The following SPAG9 variants were observed in gnomAD, a reference collection of about 807,000 sequenced individuals.
SPAG9 encodes sperm associated antigen 9, also known as C-Jun-amino-terminal kinase-interacting protein 4.
Under a neutral mutation model 166.5 loss-of-function variants are expected in SPAG9, and 35 were observed. The ratio of observed to expected loss-of-function variants is 0.21; its 90% CI spans 0.16 to 0.28. SPAG9 has a LOEUF of 0.28. Ranked by LOEUF, SPAG9 falls within the 10% of genes least tolerant of loss-of-function variation. The pLI, the probability that SPAG9 is intolerant of heterozygous loss-of-function variation, is 1.00. For synonymous variants in SPAG9, 534 were observed against 565.5 expected (o/e 0.94, Z 0.79); for missense variants, 1,235 against 1,603.3 (o/e 0.77, Z 3.92).
chr17:51,063,142 C>T (rs2047563715), intron 2 of SPAG9, among the ~76,000 whole-genome samples: 1 of 152,214 alleles, frequency 6.6e-6, no homozygotes. Context: ...GGCACAGTGG[C>T]TCACGCCTGT....
intron 9 of SPAG9, among the ~76,000 whole-genome samples, chr17:51,012,715 CTAGA>C (rs1212819444): frequency 2.7e-5 from 4 of 148,768 alleles, no homozygotes; most frequent in Admixed American, 6.7e-5. Context: ...ATCTCTCTTA[CTAGA>C]TACTTTATTT....
chr17:51,113,770 G>A (rs997184631), intron 1 of SPAG9, among the ~76,000 whole-genome samples: 4 of 151,926 alleles, frequency 2.6e-5, no homozygotes, highest in African/African-American at 4.8e-5. Flanking sequence ...GCTGAGGTGC[G>A]AGGAATGTCT....
chr17:51,073,430 G>A (rs2047880834), intron 2 of SPAG9, among the ~76,000 whole-genome samples: 1 of 152,106 alleles, frequency 6.6e-6, no homozygotes, highest in South Asian at 2.1e-4. Flanking sequence ...TGAGGCTACA[G>A]TGAGCCATGA....
At chr17:51,118,024 G>C (rs1340256454) in intron 1 of SPAG9, among the ~76,000 whole-genome samples, 2 of 151,244 alleles carry the variant, frequency 1.3e-5, no homozygotes, top group Admixed American at 1.3e-4. Flanking sequence ...CGTGCCTATA[G>C]TCCCAGCTAC....
chr17:50,992,820 G>A (rs969830173), intron 19 of SPAG9, among the ~76,000 whole-genome samples: 1 of 152,118 alleles, frequency 6.6e-6, no homozygotes, highest in African/African-American at 2.4e-5. Context: ...CTGACTGCCC[G>A]GGGTGGTGGG....
chr17:50,992,652 C>A (rs528181920), intron 19 of SPAG9, among the ~76,000 whole-genome samples: 83 of 152,128 alleles, frequency 5.5e-4, no homozygotes, highest in South Asian at 1.5e-3. Flanking sequence ...TGCAATCCAG[C>A]CTGGGCAACA....
rs556544394 is a variant in SPAG9, at chr17:51,057,963, T to C, written c.425-1481A>G. Among the ~76,000 whole-genome samples, 8 of 152,366 alleles carry C rather than the reference T, an allele frequency of 5.3e-5. No homozygotes were observed. The South Asian group carries it at 1.7e-3, about 32-fold the overall frequency. On this transcript the variant is annotated intron_variant, in intron 2 of 29. Transcript: ENST00000262013. Reference sequence around the variant, plus strand: ...ACAGGAAATCCAAGCAAATTATGGATATTTAATAATTTCAAAATAAACATT... The same window carrying C: ...ACAGGAAATCCAAGCAAATTATGGACATTTAATAATTTCAAAATAAACATT...
intron 24 of SPAG9, 24 bp from the exon 25 acceptor site, chr17:50,982,696 A>C: frequency 6.3e-7 from 1 of 1,580,074 alleles, no homozygotes; most frequent in Non-Finnish European, 8.6e-7. Context: ...AAAAGGTTAT[A>C]GTAAATACAT....
rs1197969448 is a variant in SPAG9 at position 51,035,838 on chromosome 17, T to C, written c.742-4116A>G. Among the ~76,000 whole-genome samples, 7 of 152,248 alleles carry C rather than the reference T, an allele frequency of 4.6e-5. No homozygotes were observed. In the South Asian group the frequency reaches 6.2e-4, roughly 13 times the overall value. On this transcript the variant is annotated intron_variant, in intron 5 of 29. Coordinates refer to ENST00000262013, the MANE Select transcript of SPAG9 (RefSeq NM_001130528.3). ...TCTACTAATAATCAACAACCAAGGA[T>C]GCTCTTCAAAGAAAAAAATACTTTT...
chr17:50,971,459 CTTTTTTTTTTTTTTTT>C (rs71353691), intron 28 of SPAG9, among the ~76,000 whole-genome samples: 6 of 89,902 alleles, frequency 6.7e-5, no homozygotes, highest in East Asian at 2.9e-4. Flanking sequence ...TTCAAACTAC[CTTTTTTTTTTTTTTTT>C]TTTTTTTTTT....
At chr17:50,983,500 C>T (rs765440007) in intron 24 of SPAG9, among the ~76,000 whole-genome samples, 1 of 152,166 alleles carries the variant, frequency 6.6e-6, no homozygotes, top group Non-Finnish European at 1.5e-5. Flanking sequence ...CCAGCCTTGT[C>T]TTTGAGGCTT....
chr17:51,115,690 CGTG>C (rs1193882893), intron 1 of SPAG9, among the ~76,000 whole-genome samples: 1 of 151,878 alleles, frequency 6.6e-6, no homozygotes, highest in Non-Finnish European at 1.5e-5. Context: ...ATTAGCCAGG[CGTG>C]GTGGCGCATG....
At chr17:51,098,745 G>A (rs1166089429) in intron 1 of SPAG9, among the ~76,000 whole-genome samples, 2 of 151,626 alleles carry the variant, frequency 1.3e-5, no homozygotes, top group Non-Finnish European at 2.9e-5. Flanking sequence ...GCCCCCCTCG[G>A]CCTCCCAAAG....
Position 51,006,155 on chromosome 17 carries a change from A to G in SPAG9, c.1354T>C (p.Leu452=). ...AGTTTGGCTTGCTTCACAGCCTCCA[A>G]TTCCCCTTGCAGCACATCTTTCTCA... The part of the protein sequence containing the change: ...TCEKDVLQGE[L]EAVKQAKLKL... The change falls in exon 11 of 30, where the codon TTG becomes CTG. Residue 452 remains leucine (L), a synonymous_variant. Transcript: ENST00000262013. 1 of 1,614,152 alleles carries G rather than the reference A, an allele frequency of 6.2e-7. No individual in the cohort carries two copies. Among genetic ancestry groups the G allele is most frequent in the Non-Finnish European group, 8.5e-7 (1 of 1,180,012 alleles).
chr17:51,115,858 GA>G (rs1265336450), intron 1 of SPAG9, among the ~76,000 whole-genome samples: 1 of 132,616 alleles, frequency 7.5e-6, no homozygotes. Context: ...GAAAAGAAAA[GA>G]AAAAGAAAAG....
chr17:50,995,357 A>C, intron 17 of SPAG9, 87 bp downstream of exon 17: 1 of 1,297,220 alleles, frequency 7.7e-7, no homozygotes, highest in Non-Finnish European at 1.1e-6. Context: ...ACCTCACCAT[A>C]GAAGTAATAC....
intron 2 of SPAG9, among the ~76,000 whole-genome samples, chr17:51,065,050 G>C (rs1350310621): frequency 2.0e-5 from 3 of 152,148 alleles, no homozygotes; most frequent in Non-Finnish European, 4.4e-5. Flanking sequence ...TTGAATCTGG[G>C]AGGCGAAGGT....
At chr17:51,064,355 T>A (rs1337779379) in intron 2 of SPAG9, among the ~76,000 whole-genome samples, 1 of 152,248 alleles carries the variant, frequency 6.6e-6, no homozygotes, top group African/African-American at 2.4e-5. Context: ...CCAAGGAATA[T>A]CTTCCCAAAG....
chr17:51,016,705 G>C (rs997734083), intron 8 of SPAG9, among the ~76,000 whole-genome samples: 1 of 152,210 alleles, frequency 6.6e-6, no homozygotes, highest in African/African-American at 2.4e-5. Context: ...GGGAGTTTGA[G>C]ACCAGCCTGA....
Sources: gnomAD v4.1 joint callset for allele counts (sites outside exome capture counted in the v4.1 genomes callset) on GRCh38, gnomAD v4.1.1 for gene constraint, MANE v1.5 for transcripts, NCBI Gene and HGNC (gene_info 2026-07-23, HGNC 2026-07-21) for gene names.